The following CROT variants were observed in gnomAD, a reference collection of about 807,000 sequenced individuals.
The protein encoded by CROT is carnitine O-octanoyltransferase.
A neutral mutation model predicts 89.2 loss-of-function variants in CROT; 84 were observed. The observed-to-expected ratio is 0.94, with a 90% CI of 0.79 to 1.13. The LOEUF is 1.13. Among genes scored for constraint, CROT ranks in the 50% most tolerant of loss-of-function variants. The probability of loss-of-function intolerance (pLI) is 0.00; values close to 1 mark genes in which losing one functional copy is unlikely to be tolerated. For missense variants in CROT, 711 were observed against 727.8 expected, an observed-to-expected ratio of 0.98 and a Z score of 0.27; for synonymous variants, 212 against 239.5, an observed-to-expected ratio of 0.89 and a Z score of 1.06.
chr7:87,398,387 C>CAATT, intron 17 of CROT, 137 bp from the exon 18 acceptor site: 1 of 1,021,112 alleles, frequency 9.8e-7, no homozygotes. Flanking sequence ...TCAATTGTGT[C>CAATT]AGGTTACATT....
rs373454665 is a variant in CROT, at chr7:87,392,949, G to A, written c.1600G>A (p.Gly534Arg). Residue 534 changes from glycine to arginine, a missense_variant and splice_region_variant, in exon 17 of 18, where the codon GGA becomes AGA. Transcript: ENST00000331536. ...ATGTTCTTTTATTGTGCCACACAGC[G>A]GAGGAGGTGGAAATTTTGTTCTCTC... ...LFTDPLFSKS[G>R]GGGNFVLSTS... is the part of the protein sequence containing the mutation. The A allele has an allele frequency of 2.7e-5, 44 of 1,613,416 alleles. No individual in the cohort carries two copies. The Middle Eastern group carries it at 1.2e-3, about 42-fold the overall frequency.
At chr7:87,353,849 TC>T (rs1029921262) in intron 3 of CROT, among the ~76,000 whole-genome samples, 1 of 152,150 alleles carries the variant, frequency 6.6e-6, no homozygotes, top group African/African-American at 2.4e-5. Flanking sequence ...TCCAGCCACC[TC>T]CCACCAGGCC....
At chr7:87,372,781 A>G (rs1419450367) in intron 7 of CROT, among the ~76,000 whole-genome samples, 1 of 152,130 alleles carries the variant, frequency 6.6e-6, no homozygotes, top group Non-Finnish European at 1.5e-5. Context: ...GCATGTATGA[A>G]TACTTTATTC....
At chr7:87,369,621 T>A (rs67535116) in intron 7 of CROT, 137 bp downstream of exon 7, 401 of 28,904 alleles carry the variant, frequency 0.014, no homozygotes, top group Non-Finnish European at 0.033. Flanking sequence ...TAAAAAAAAA[T>A]CTATTTGTAT....
intron 17 of CROT, 45 bp from the exon 18 acceptor site, chr7:87,398,479 T>C: frequency 6.2e-7 from 1 of 1,608,926 alleles, no homozygotes; most frequent in Non-Finnish European, 8.5e-7. Flanking sequence ...CCATCACTAT[T>C]TGGAGCCTTT....
At chr7:87,397,171 G>A (rs1562941536) in intron 17 of CROT, among the ~76,000 whole-genome samples, 1 of 151,962 alleles carries the variant, frequency 6.6e-6, no homozygotes, top group Non-Finnish European at 1.5e-5. Flanking sequence ...GGCCAACATG[G>A]TGAAACCCCA....
At chr7:87,386,920 G>A (rs760138458) in intron 13 of CROT, among the ~76,000 whole-genome samples, 2 of 152,134 alleles carry the variant, frequency 1.3e-5, no homozygotes, top group Non-Finnish European at 2.9e-5. Context: ...AAGCAGGAAT[G>A]ATTTTTCTGT....
At chr7:87,395,354 C>T (rs1408990077) in intron 17 of CROT, among the ~76,000 whole-genome samples, 1 of 152,142 alleles carries the variant, frequency 6.6e-6, no homozygotes, top group Non-Finnish European at 1.5e-5. Flanking sequence ...CTGACTTTCC[C>T]AGCCCACTGA....
chr7:87,356,272 G>T (rs912647002), intron 3 of CROT, among the ~76,000 whole-genome samples: 2 of 152,198 alleles, frequency 1.3e-5, no homozygotes, highest in Non-Finnish European at 2.9e-5. Context: ...AGTGAGTCAT[G>T]CCAGGAAAGC....
chr7:87,386,637 A>T (rs1807191237), intron 13 of CROT, among the ~76,000 whole-genome samples: 1 of 152,194 alleles, frequency 6.6e-6, no homozygotes, highest in Admixed American at 6.5e-5. Flanking sequence ...CAGATTGCTT[A>T]CTGTTGTGGA....
At chr7:87,381,759 C>A (rs1584642006) in intron 10 of CROT, 151 bp from the exon 11 acceptor site, 1 of 554,332 alleles carries the variant, frequency 1.8e-6, no homozygotes, top group East Asian at 3.0e-5. Flanking sequence ...TGTAGGGAAT[C>A]TTCTATCTTA....
chr7:87,392,471 A>T, intron 14 of CROT, 95 bp from the exon 15 acceptor site: 1 of 916,842 alleles, frequency 1.1e-6, no homozygotes, highest in South Asian at 1.5e-5. Flanking sequence ...TCCTCTCCCA[A>T]ATTACCCCAA....
intron 13 of CROT, among the ~76,000 whole-genome samples, chr7:87,389,190 T>A (rs925357135): frequency 1.2e-4 from 18 of 152,178 alleles, no homozygotes; most frequent in Non-Finnish European, 1.5e-4. Flanking sequence ...GTAAATTAGT[T>A]CAACCATTGC....
chr7:87,390,412 T>A (rs1807321938), intron 13 of CROT, among the ~76,000 whole-genome samples: 1 of 152,182 alleles, frequency 6.6e-6, no homozygotes, highest in African/African-American at 2.4e-5. Context: ...TTTTACTGCT[T>A]TTATTTTTAA....
chr7:87,354,928 C>A (rs973104402), intron 3 of CROT, among the ~76,000 whole-genome samples: 1 of 152,160 alleles, frequency 6.6e-6, no homozygotes, highest in Non-Finnish European at 1.5e-5. Flanking sequence ...CTTCACAAAT[C>A]TTATCATGAC....
rs539624081 is a variant in CROT at position 87,398,520 on chromosome 7, A to G, written c.1719-4A>G. The G allele has an allele frequency of 6.2e-7, 1 of 1,613,494 alleles. No individual in the cohort carries two copies. The highest frequency in any genetic ancestry group is 1.3e-5 in the African/African-American group (1 of 75,034). On this transcript the variant is annotated splice_polypyrimidine_tract_variant and splice_region_variant and intron_variant, in intron 17 of 17. Coordinates refer to ENST00000331536, the MANE Select transcript of CROT (RefSeq NM_021151.4). ...AATCATTAATCATTATTTATGCTTC[A>G]CAGGTTTGTTGTGGCCTGTTCAGCC...
intron 6 of CROT, among the ~76,000 whole-genome samples, chr7:87,365,432 G>A (rs1471879880): frequency 6.6e-6 from 1 of 151,620 alleles, no homozygotes; most frequent in Non-Finnish European, 1.5e-5. Flanking sequence ...GGAGGTTGCA[G>A]TGAGCCGAGA....
intron 17 of CROT, 137 bp downstream of exon 17, chr7:87,393,204 T>C: frequency 3.1e-6 from 3 of 967,638 alleles, no homozygotes; most frequent in South Asian, 3.4e-5. Context: ...TTTTTTCCAC[T>C]TAGGCATTTA....
At chr7:87,353,912 C>A (rs1452658737) in intron 3 of CROT, among the ~76,000 whole-genome samples, 1 of 152,110 alleles carries the variant, frequency 6.6e-6, no homozygotes, top group Admixed American at 6.5e-5. Flanking sequence ...GAGGGGACAT[C>A]CAAACTATAT....
Sources: allele counts gnomAD v4.1 joint callset (sites outside exome capture counted in the v4.1 genomes callset), GRCh38; gene constraint gnomAD v4.1.1; transcripts MANE v1.5; gene names NCBI Gene and HGNC (gene_info 2026-07-23, HGNC 2026-07-21).